STK3: variants seen among roughly 807,000 people sequenced by gnomAD.
STK3 encodes serine/threonine-protein kinase 3.
STK3 carries 41 observed loss-of-function variants against 58.0 expected under a neutral mutation model. That is an observed-to-expected ratio of 0.71 (90% CI 0.55 to 0.92). The LOEUF is 0.92. Ranked by LOEUF, STK3 falls within the 40% of genes least tolerant of loss-of-function variation. STK3 has a pLI of 0.00. For synonymous variants in STK3, 170 were observed against 191.0 expected (o/e 0.89, Z 0.91); for missense variants, 479 against 602.7 (o/e 0.79, Z 2.15).
At chr8:98,617,770 T>C (rs1191776636) in intron 6 of STK3, among the ~76,000 whole-genome samples, 3 of 151,638 alleles carry the variant, frequency 2.0e-5, no homozygotes, top group East Asian at 1.9e-4. Flanking sequence ...CAGGAAGAAG[T>C]TGAATCTCTG....
chr8:98,349,077 A>G, the STK3 span, among the ~76,000 whole-genome samples: 11 of 152,350 alleles, frequency 7.2e-5, 1 homozygote, highest in Admixed American at 6.5e-4. Flanking sequence ...TTGGTGCTAA[A>G]GAGAAATGAG....
intron 3 of STK3, among the ~76,000 whole-genome samples, chr8:98,752,405 G>A (rs1169391685): frequency 1.3e-5 from 2 of 152,182 alleles, no homozygotes; most frequent in Non-Finnish European, 2.9e-5. Context: ...GCCATATGCG[G>A]AAGATTGAAA....
intron 1 of STK3, among the ~76,000 whole-genome samples, chr8:98,907,436 C>T (rs1207375098): frequency 2.0e-5 from 3 of 151,882 alleles, no homozygotes; most frequent in Non-Finnish European, 4.4e-5. Context: ...TCCCTTGAAC[C>T]TGGGAGGCAG....
chr8:98,504,905 T>A (rs1432933632), intron 10 of STK3, among the ~76,000 whole-genome samples: 1 of 152,186 alleles, frequency 6.6e-6, no homozygotes, highest in Non-Finnish European at 1.5e-5. Context: ...TTTGTGGTGT[T>A]CTCTATATTT....
intron 1 of STK3, 140 bp downstream of exon 1, chr8:98,825,375 G>C: frequency 1.4e-6 from 1 of 694,284 alleles, no homozygotes; most frequent in South Asian, 4.4e-5. Flanking sequence ...GGGACACTCG[G>C]ACCCGCCTCC....
Position 98,533,079 on chromosome 8 carries a change from T to C in STK3, c.1142-6162A>G, listed in dbSNP as rs144465741. Among the ~76,000 whole-genome samples, 336 of 152,324 alleles carry C rather than the reference T, an allele frequency of 2.2e-3. 2 individuals are homozygous for C. Among genetic ancestry groups the C allele is most frequent in the African/African-American group, 7.0e-3 (289 of 41,580 alleles). ...ATAACATTCAACTCTATGTATATAC[T>C]ACATTTTGCTTATCCATTTGTCTGT... On this transcript the variant is annotated intron_variant, in intron 9 of 10. Transcript: ENST00000419617.
At chr8:98,612,696 G>C (rs1227331919) in intron 6 of STK3, among the ~76,000 whole-genome samples, 1 of 152,004 alleles carries the variant, frequency 6.6e-6, no homozygotes, top group Non-Finnish European at 1.5e-5. Flanking sequence ...GAACACCATG[G>C]AAAGAAGAAA....
downstream of STK3, among the ~76,000 whole-genome samples, chr8:98,367,752 G>C (rs1367349409): frequency 6.6e-6 from 1 of 152,158 alleles, no homozygotes; most frequent in African/African-American, 2.4e-5. Flanking sequence ...AGCCTTTCGG[G>C]GCAACTCTCT....
chr8:98,579,871 G>GTTGTT, intron 7 of STK3, 82 bp from the exon 8 acceptor site: 2 of 1,257,294 alleles, frequency 1.6e-6, no homozygotes, highest in Non-Finnish European at 2.1e-6. Context: ...ACATGTAAAT[G>GTTGTT]TTAACCAGGA....
In STK3 at chr8:98,643,078, AGCTG is replaced by A. The variant is rs542285739; in HGVS notation, c.685-46913_685-46910del. Among the ~76,000 whole-genome samples the A allele has an allele frequency of 6.6e-5, 10 of 152,260 alleles. No homozygotes were observed. In the East Asian group the frequency reaches 1.7e-3, roughly 26 times the overall value. On this transcript the variant is annotated intron_variant, in intron 6 of 10. Coordinates refer to ENST00000419617, the MANE Select transcript of STK3 (RefSeq NM_006281.4). Reference sequence around the variant, plus strand: ...ACCTCTACAAAAATATTTAAAAATTAGCTGGGTGTGGTGGCACACACACCTGTCG... The same window carrying A: ...ACCTCTACAAAAATATTTAAAAATTAGGTGTGGTGGCACACACACCTGTCG...
chr8:98,838,196 T>C (rs192263669), intron 3 of STK3, among the ~76,000 whole-genome samples: 156 of 151,328 alleles, frequency 1.0e-3, no homozygotes, highest in African/African-American at 3.7e-3. Context: ...TGGGCCAAGA[T>C]CATGCCATTG....
intron 4 of STK3, among the ~76,000 whole-genome samples, chr8:98,709,459 G>A (rs1826225025): frequency 6.6e-6 from 1 of 152,070 alleles, no homozygotes; most frequent in Non-Finnish European, 1.5e-5. Flanking sequence ...ATTTTAAGAG[G>A]CATTATTCTG....
At chr8:98,350,486 C>T in the STK3 span, among the ~76,000 whole-genome samples, 22 of 152,176 alleles carry the variant, frequency 1.4e-4, no homozygotes, top group Non-Finnish European at 2.6e-4. Flanking sequence ...TCCACATTTT[C>T]GGGTATCTTT....
rs554783265 is a variant in STK3, at chr8:98,934,917, A to AAAAATAAAATAAAAT, written c.-79+7446_-79+7460dup. 3.4e-3 allele frequency among the ~76,000 whole-genome samples: 506 copies of AAAAATAAAATAAAAT among 149,922 alleles called. 4 individuals are homozygous for AAAAATAAAATAAAAT. Among genetic ancestry groups the AAAAATAAAATAAAAT allele is most frequent in the African/African-American group, 0.011 (455 of 40,812 alleles). ...GGGCAACAGAGCGAGACGCCGTCTC[A>AAAAATAAAATAAAAT]AAAATAAAATAAAATAAAATAAAAT... On this transcript the variant is annotated intron_variant, in intron 1 of 1. Coordinates refer to the STK3 transcript ENST00000519420.
chr8:98,565,677 A>C (rs1041375776), intron 8 of STK3, among the ~76,000 whole-genome samples: 1 of 152,144 alleles, frequency 6.6e-6, no homozygotes, highest in Non-Finnish European at 1.5e-5. Context: ...CTACCGTAGA[A>C]TGCTCCTTGG....
intron 1 of STK3, among the ~76,000 whole-genome samples, chr8:98,384,614 C>T (rs1013003805): frequency 2.0e-5 from 3 of 152,184 alleles, no homozygotes; most frequent in Non-Finnish European, 4.4e-5. Context: ...GCAACTCTCT[C>T]TGTCTCATCT....
At chr8:98,910,376 G>C (rs749231747) in intron 1 of STK3, among the ~76,000 whole-genome samples, 10 of 152,072 alleles carry the variant, frequency 6.6e-5, no homozygotes, top group Non-Finnish European at 1.3e-4. Flanking sequence ...AAGTTTTTTA[G>C]TAACTTTTAA....
intron 1 of STK3, among the ~76,000 whole-genome samples, chr8:98,776,535 C>T (rs1212793789): frequency 6.6e-6 from 1 of 152,180 alleles, no homozygotes; most frequent in Non-Finnish European, 1.5e-5. Context: ...AAAACACTTT[C>T]TTGAACAGCC....
chr8:98,449,724 T>C (rs191171791), downstream of STK3, among the ~76,000 whole-genome samples: 14 of 152,318 alleles, frequency 9.2e-5, no homozygotes, highest in Non-Finnish European at 1.2e-4. Context: ...TAATTGCCAA[T>C]GTACCAGTGG....
Sources: allele counts gnomAD v4.1 joint callset (sites outside exome capture counted in the v4.1 genomes callset), GRCh38; gene constraint gnomAD v4.1.1; transcripts MANE v1.5; gene names NCBI Gene and HGNC (gene_info 2026-07-23, HGNC 2026-07-21).